The following MYH15 variants were observed in gnomAD, a reference collection of about 807,000 sequenced individuals.
MYH15 encodes myosin-15.
MYH15 carries 227 observed loss-of-function variants against 240.5 expected under a neutral mutation model. The observed-to-expected ratio is 0.94, with a 90% CI of 0.85 to 1.05. The LOEUF is 1.05. Among genes scored for constraint, MYH15 ranks in the 50% least tolerant of loss-of-function variants. The probability of loss-of-function intolerance (pLI) is 0.00; values close to 1 mark genes in which losing one functional copy is unlikely to be tolerated. For missense variants in MYH15, 2,217 were observed against 2,247.5 expected, an observed-to-expected ratio of 0.99 and a Z score of 0.27; for synonymous variants, 785 against 796.7, an observed-to-expected ratio of 0.99 and a Z score of 0.25.
In MYH15 at chr3:108,410,585, T is replaced by C. The variant is rs745415744; in HGVS notation, c.4493A>G (p.Gln1498Arg). The C allele has an allele frequency of 5.0e-6, 8 of 1,586,338 alleles. No individual in the cohort carries two copies. The African/African-American group carries it at 9.4e-5, about 19-fold the overall frequency. Residue 1498 changes from glutamine to arginine, a missense_variant and splice_region_variant, in exon 31 of 41, where the codon CAA (glutamine) becomes CGA (arginine). Physicochemically the swap from Gln to Arg is conservative, Grantham distance 43. Coordinates refer to ENST00000693548, the MANE Select transcript of MYH15 (RefSeq NM_014981.3). ...ETLRRENKNL[Q>R]EEISNLTNQV... ...GCTCTGAGCCCAGCTCGGTGTACCTTGGAGGTTCTTGTTCTCCCTCCTGAG... is the reference window on the plus strand; with the variant it reads ...GCTCTGAGCCCAGCTCGGTGTACCTCGGAGGTTCTTGTTCTCCCTCCTGAG...
rs1318280411 is a variant in MYH15 at position 108,416,892 on chromosome 3, T to C, written c.3868A>G (p.Ile1290Val). 6.2e-7 allele frequency: 1 copy of C among 1,614,088 alleles called. No homozygotes were observed. The highest frequency in any genetic ancestry group is 1.7e-5 in the Admixed American group (1 of 60,020). ...LRRLEEKEAL[I>V]NQLSREKSNF... Reference sequence around the variant, plus strand: ...CTCTTTTCCCTGGAAAGTTGGTTTATCAGAGCCTCCTTCTCTTCAAGCCTC... The same window carrying C: ...CTCTTTTCCCTGGAAAGTTGGTTTACCAGAGCCTCCTTCTCTTCAAGCCTC... Residue 1290 changes from isoleucine to valine, a missense_variant, in exon 29 of 41, where the codon ATA becomes GTA. By Grantham distance (29) the Ile-to-Val change is conservative (BLOSUM62 3). Coordinates refer to ENST00000693548, the MANE Select transcript of MYH15 (RefSeq NM_014981.3).
chr3:108,393,910 T>C, intron 36 of MYH15, 121 bp downstream of exon 36: 1 of 1,436,338 alleles, frequency 7.0e-7, no homozygotes, highest in Non-Finnish European at 9.5e-7. Flanking sequence ...CAGACTAACC[T>C]CCCCCTGGCT....
intron 35 of MYH15, among the ~76,000 whole-genome samples, chr3:108,396,420 A>C (rs1261461018): frequency 1.3e-5 from 2 of 152,272 alleles, no homozygotes; most frequent in African/African-American, 2.4e-5. Context: ...GGAGCATGCA[A>C]CCTACATCTC....
chr3:108,512,208 C>T (rs572438816), upstream of MYH15, among the ~76,000 whole-genome samples: 2 of 152,240 alleles, frequency 1.3e-5, no homozygotes, highest in East Asian at 1.9e-4. Flanking sequence ...ATCATTATAA[C>T]AGCAATAACA....
intron 14 of MYH15, among the ~76,000 whole-genome samples, chr3:108,465,665 G>A (rs1238450732): frequency 6.6e-6 from 1 of 152,186 alleles, no homozygotes; most frequent in African/African-American, 2.4e-5. Context: ...ATTGGGTGAG[G>A]TGGCTCACGC....
rs1286832407 is a variant in MYH15 at position 108,416,849 on chromosome 3, A to G, written c.3911T>C (p.Ile1304Thr). Reference sequence around the variant, plus strand: ...TTCCAGCTGCCCTCTCAGGTCTTCAATCTGCCGAGTGAAGTTGCTCTTTTC... The same window carrying G: ...TTCCAGCTGCCCTCTCAGGTCTTCAGTCTGCCGAGTGAAGTTGCTCTTTTC... ...SREKSNFTRQ[I>T]EDLRGQLEKE... The change falls in exon 29 of 41, where the codon ATT becomes ACT. Residue 1304 changes from isoleucine to threonine, a missense_variant. Transcript: ENST00000693548. 2 of 1,614,006 alleles carry G rather than the reference A, an allele frequency of 1.2e-6. No individual in the cohort carries two copies. The highest frequency in any genetic ancestry group is 4.5e-5 in the East Asian group (2 of 44,872).
chr3:108,481,644 T>G (rs904305542), intron 11 of MYH15, among the ~76,000 whole-genome samples: 1 of 151,370 alleles, frequency 6.6e-6, no homozygotes, highest in African/African-American at 2.4e-5. Context: ...GCAATAGGAG[T>G]GCTTACATGC....
intron 1 of MYH15, among the ~76,000 whole-genome samples, chr3:108,528,090 A>G (rs1425704127): frequency 2.0e-5 from 3 of 152,138 alleles, no homozygotes; most frequent in Non-Finnish European, 4.4e-5. Context: ...AGCCCTCATG[A>G]CCTAATCGCC....
intron 38 of MYH15, among the ~76,000 whole-genome samples, chr3:108,386,508 A>G (rs1291754807): frequency 6.6e-6 from 1 of 152,180 alleles, no homozygotes; most frequent in African/African-American, 2.4e-5. Context: ...AGCTGGGCAT[A>G]GTGAAGTCAC....
intron 30 of MYH15, among the ~76,000 whole-genome samples, chr3:108,413,952 T>C (rs144065462): frequency 0.011 from 1,684 of 152,292 alleles, 7 homozygotes; most frequent in Non-Finnish European, 0.018. Context: ...GTCACATCTT[T>C]TATGAAAACT....
At chr3:108,451,070 AGAT>A (rs1329088844) in intron 21 of MYH15, among the ~76,000 whole-genome samples, 1 of 152,194 alleles carries the variant, frequency 6.6e-6, no homozygotes, top group African/African-American at 2.4e-5. Context: ...ATAGAATTAG[AGAT>A]ACAGTAGAGA....
intron 29 of MYH15, 103 bp downstream of exon 29, chr3:108,416,709 C>T: frequency 7.1e-6 from 7 of 988,024 alleles, no homozygotes; most frequent in Non-Finnish European, 1.1e-5. Context: ...GGCATTTTCC[C>T]TTCTTCTTTT....
chr3:108,473,978 C>T (rs1055084022), intron 12 of MYH15, among the ~76,000 whole-genome samples: 2 of 152,206 alleles, frequency 1.3e-5, no homozygotes, highest in African/African-American at 4.8e-5. Flanking sequence ...ACTGTCCCAT[C>T]TTAAATGCCA....
intron 18 of MYH15, among the ~76,000 whole-genome samples, chr3:108,457,426 A>G (rs2107579119): frequency 6.6e-6 from 1 of 152,228 alleles, no homozygotes; most frequent in Non-Finnish European, 1.5e-5. Flanking sequence ...AGAGTGCCTA[A>G]ATTCTATTCT....
At chr3:108,457,238 G>A (rs540701631) in intron 18 of MYH15, among the ~76,000 whole-genome samples, 5 of 152,266 alleles carry the variant, frequency 3.3e-5, no homozygotes, top group Non-Finnish European at 4.4e-5. Flanking sequence ...AAACCAGCCA[G>A]AAAGGGTGAT....
intron 26 of MYH15, among the ~76,000 whole-genome samples, chr3:108,430,458 A>G (rs2082769486): frequency 6.6e-6 from 1 of 152,212 alleles, no homozygotes; most frequent in Non-Finnish European, 1.5e-5. Flanking sequence ...TTAAATTGCT[A>G]ACACTGAATG....
At chr3:108,499,311 CT>C in intron 5 of MYH15, 143 bp downstream of exon 5, 1 of 846,628 alleles carries the variant, frequency 1.2e-6, no homozygotes. Flanking sequence ...TCCTGAGTAT[CT>C]TTTTCTTACC....
At chr3:108,458,403 G>C (rs1323763837) in intron 18 of MYH15, among the ~76,000 whole-genome samples, 5 of 152,096 alleles carry the variant, frequency 3.3e-5, no homozygotes, top group African/African-American at 1.2e-4. Context: ...TATTTGTATC[G>C]CAGAAACTCA....
At chr3:108,500,308 G>A in intron 3 of MYH15, 34 bp from the exon 4 acceptor site, 1 of 1,584,474 alleles carries the variant, frequency 6.3e-7, no homozygotes, top group Non-Finnish European at 8.6e-7. Flanking sequence ...TCAGAAACTA[G>A]ATTAGAAATA....
Sources: gnomAD v4.1 joint callset for allele counts (sites outside exome capture counted in the v4.1 genomes callset) on GRCh38, gnomAD v4.1.1 for gene constraint, MANE v1.5 for transcripts, NCBI Gene and HGNC (gene_info 2026-07-23, HGNC 2026-07-21) for gene names.